The following NLRP8 variants were observed in gnomAD, a reference collection of about 807,000 sequenced individuals.
NLRP8 encodes NLR family pyrin domain containing 8.
A neutral mutation model predicts 88.7 loss-of-function variants in NLRP8; 86 were observed. The observed-to-expected ratio is 0.97, with a 90% CI of 0.81 to 1.16. The LOEUF (loss-of-function observed/expected upper bound fraction) is 1.16. NLRP8 is among the 50% of genes most tolerant of loss of function. The pLI is 0.00. For synonymous variants in NLRP8, 504 were observed against 494.6 expected (o/e 1.02, Z -0.25); for missense variants, 1,342 against 1,286.5 (o/e 1.04, Z -0.66).
intron 1 of NLRP8, among the ~76,000 whole-genome samples, chr19:55,950,352 G>C (rs1979037211): frequency 6.6e-6 from 1 of 151,950 alleles, no homozygotes; most frequent in East Asian, 1.9e-4. Flanking sequence ...CCAGGAGGCA[G>C]AGGTTGCAGA....
rs200578165 is a variant in NLRP8, at chr19:55,948,089, G to A, written c.187G>A (p.Glu63Lys). ...ACGGTTCAAGCAGCTCTTACTGACT[G>A]AGCTCAGTACTGGCACCATGCCCAT... is the stretch of plus-strand genomic sequence containing the variant. The change falls in exon 1 of 10, where the codon GAG becomes AAG. Residue 63 changes from glutamate to lysine, a missense_variant. Glu to Lys is a moderately conservative substitution (Grantham distance 56). Coordinates refer to ENST00000291971, the MANE Select transcript of NLRP8 (RefSeq NM_176811.2). 5.0e-6 allele frequency: 8 copies of A among 1,614,124 alleles called. No homozygotes were observed. The South Asian group carries it at 8.8e-5, about 18-fold the overall frequency.
chr19:55,970,468 C>T (rs1980024791), intron 5 of NLRP8, 76 bp from the exon 6 acceptor site: 4 of 1,499,402 alleles, frequency 2.7e-6, no homozygotes, highest in Middle Eastern at 1.8e-4. Context: ...AGACATGAGA[C>T]AGTGGAATCC....
chr19:55,969,840 G>T (rs1979996458), intron 5 of NLRP8, among the ~76,000 whole-genome samples: 1 of 152,156 alleles, frequency 6.6e-6, no homozygotes, highest in South Asian at 2.1e-4. Context: ...AGCTCAGGTG[G>T]CTGGAACCTG....
At position 55,952,476 on chromosome 19, in the gene NLRP8, C is replaced by T. The variant is rs1372098029; in HGVS notation, c.368-62C>T. 10 of 1,393,658 alleles carry T rather than the reference C, an allele frequency of 7.2e-6. No homozygotes were observed. In the East Asian group the frequency reaches 2.3e-4, roughly 32 times the overall value. The allele number at this position is 1,393,658 out of a possible 1,614,324, so 86.3% of individuals were successfully genotyped here. The stretch of plus-strand genomic sequence containing the variant: ...TCCTAAAAAGGCCATTGGCTCCATG[C>T]TGTTTCCCTGCTACCAAGATCTTAT... On this transcript the variant is annotated intron_variant, in intron 1 of 9. Coordinates refer to ENST00000291971, the MANE Select transcript of NLRP8 (RefSeq NM_176811.2).
At chr19:55,965,497 T>C (rs962583799) in intron 4 of NLRP8, among the ~76,000 whole-genome samples, 4 of 151,648 alleles carry the variant, frequency 2.6e-5, no homozygotes, top group African/African-American at 9.7e-5. Context: ...TAAAGAAATA[T>C]AAATAAAAAT....
intron 1 of NLRP8, among the ~76,000 whole-genome samples, chr19:55,951,387 G>A (rs1400601429): frequency 6.6e-6 from 1 of 152,158 alleles, no homozygotes. Context: ...TTTTCCTGGG[G>A]GCAATGGTTC....
In NLRP8 at chr19:55,955,433, G is replaced by A. The variant is rs761852318; in HGVS notation, c.1375G>A (p.Ala459Thr). ...ACTGGAAGGTCTGTGTCACTTGGCC[G>A]CAGACAGCATGTGGCACAGGAAATG... The change falls in exon 3 of 10, where the codon GCA becomes ACA. Residue 459 changes from alanine to threonine, a missense_variant. Ala to Thr is a moderately conservative substitution (Grantham distance 58). Transcript: ENST00000291971. 17 of 1,614,208 alleles carry A rather than the reference G, an allele frequency of 1.1e-5. No individual in the cohort carries two copies. The highest frequency in any genetic ancestry group is 1.3e-5 in the African/African-American group (1 of 75,052).
chr19:55,976,140 A>G lies in NLRP8; in HGVS notation c.2713A>G (p.Lys905Glu). Residue 905 changes from lysine (K) to glutamate (E), a missense_variant, in exon 8 of 10, where the codon AAG becomes GAG. Coordinates refer to ENST00000291971, the MANE Select transcript of NLRP8 (RefSeq NM_176811.2). The stretch of plus-strand genomic sequence containing the variant: ...ACCTGTGTTTCTTTGCAGACTGAGA[A>G]AGTGTGACTTGACCTTTAATTGCTG... 6.3e-7 allele frequency: 1 copy of G among 1,599,204 alleles called. No homozygotes were observed.
chr19:55,974,346 A>T (rs1747578202), intron 7 of NLRP8, among the ~76,000 whole-genome samples: 1 of 152,128 alleles, frequency 6.6e-6, no homozygotes, highest in Non-Finnish European at 1.5e-5. Context: ...GGTTGTGCTT[A>T]TCTGGGAGGG....
At chr19:55,966,070 C>A in intron 4 of NLRP8, 143 bp from the exon 5 acceptor site, 1 of 662,790 alleles carries the variant, frequency 1.5e-6, no homozygotes, top group Non-Finnish European at 2.6e-6. Context: ...TTAATGTCTG[C>A]ATCCTGAATT....
chr19:55,987,262 A>C (rs1980891248), intron 9 of NLRP8, among the ~76,000 whole-genome samples: 2 of 152,300 alleles, frequency 1.3e-5, no homozygotes, highest in South Asian at 4.1e-4. Flanking sequence ...CCCACCTTCT[A>C]GGGAGGCTGA....
At chr19:55,975,949 G>T (rs1344993891) in intron 7 of NLRP8, among the ~76,000 whole-genome samples, 184 bp from the exon 8 acceptor site, 6 of 152,108 alleles carry the variant, frequency 3.9e-5, no homozygotes, top group Non-Finnish European at 7.4e-5. Flanking sequence ...TGAATTGTGT[G>T]ATATATTAAT....
chr19:55,957,552 G>T (rs1187634871), intron 3 of NLRP8, among the ~76,000 whole-genome samples: 2 of 151,588 alleles, frequency 1.3e-5, no homozygotes, highest in Admixed American at 1.3e-4. Context: ...CAGGCATGGT[G>T]GCGGGCACCT....
chr19:55,956,209 A>G, intron 3 of NLRP8, 109 bp downstream of exon 3: 1 of 1,153,246 alleles, frequency 8.7e-7, no homozygotes, highest in Non-Finnish European at 1.2e-6. Flanking sequence ...TCTCTTTCCT[A>G]GCCTAGTTTG....
At chr19:55,961,545 T>C (rs978077467) in intron 3 of NLRP8, among the ~76,000 whole-genome samples, 9 of 152,198 alleles carry the variant, frequency 5.9e-5, no homozygotes, top group African/African-American at 2.2e-4. Flanking sequence ...TTCACACCTG[T>C]AACCCTAGCA....
At chr19:55,984,531 G>T (rs1164523293) in intron 9 of NLRP8, among the ~76,000 whole-genome samples, 2 of 150,874 alleles carry the variant, frequency 1.3e-5, no homozygotes, top group Non-Finnish European at 2.9e-5. Flanking sequence ...GTGCATGCCT[G>T]TGGTCCCAGC....
intron 8 of NLRP8, among the ~76,000 whole-genome samples, chr19:55,977,486 T>C (rs1440396064): frequency 6.9e-6 from 1 of 145,452 alleles, no homozygotes; most frequent in African/African-American, 2.5e-5. Context: ...TATATATACA[T>C]AATTTATATT....
At chr19:55,958,604 G>A (rs1979475619) in intron 3 of NLRP8, among the ~76,000 whole-genome samples, 1 of 152,154 alleles carries the variant, frequency 6.6e-6, no homozygotes, top group Non-Finnish European at 1.5e-5. Flanking sequence ...GCCGCGGCAG[G>A]ACTGAGTCAT....
intron 1 of NLRP8, among the ~76,000 whole-genome samples, chr19:55,949,726 TAGTC>T (rs34799766): frequency 0.21 from 32,112 of 151,816 alleles, 3,430 homozygotes; most frequent in Admixed American, 0.23. Flanking sequence ...ATATTACAAG[TAGTC>T]AGTCTCATTG....
Sources: gnomAD v4.1 joint callset for allele counts (sites outside exome capture counted in the v4.1 genomes callset) on GRCh38, gnomAD v4.1.1 for gene constraint, MANE v1.5 for transcripts, NCBI Gene and HGNC (gene_info 2026-07-23, HGNC 2026-07-21) for gene names.